The following SEC31A variants were observed in gnomAD, a reference collection of about 807,000 sequenced individuals.
The protein encoded by SEC31A is protein transport protein Sec31A.
In SEC31A, 70 loss-of-function variants were observed where a neutral mutation model predicts 151.0. The ratio of observed to expected loss-of-function variants is 0.46; its 90% confidence interval spans 0.38 to 0.57. The LOEUF is 0.57. SEC31A is among the 20% of genes least tolerant of loss of function. The pLI, the probability that SEC31A is intolerant of heterozygous loss-of-function variation, is 0.00. For synonymous variants in SEC31A, 475 were observed against 505.9 expected (o/e 0.94, Z 0.82); for missense variants, 1,330 against 1,471.2 (o/e 0.90, Z 1.57).
chr4:82,880,809 A>G lies in SEC31A; in HGVS notation c.193T>C (p.Ser65Pro). Residue 65 changes from serine to proline, a missense_variant, in exon 3 of 27, where the codon TCT becomes CCT. Transcript: ENST00000395310. ...LDMKSCATFSSSHRYHKLIWG... is the reference protein window; with the variant it reads ...LDMKSCATFSPSHRYHKLIWG... ...AGCTGAACCTCATACCTGTGAGAAGAGGAGAATGTGGCACAAGATTTCATA... is the reference window on the plus strand; with the variant it reads ...AGCTGAACCTCATACCTGTGAGAAGGGGAGAATGTGGCACAAGATTTCATA... The G allele has an allele frequency of 6.2e-7, 1 of 1,611,318 alleles. No homozygotes were observed. The highest frequency in any genetic ancestry group is 8.5e-7 in the Non-Finnish European group (1 of 1,178,648).
At chr4:82,875,509 C>T (rs763143949) in intron 5 of SEC31A, among the ~76,000 whole-genome samples, 1 of 152,078 alleles carries the variant, frequency 6.6e-6, no homozygotes, top group Non-Finnish European at 1.5e-5. Context: ...CCAGTGTCTA[C>T]CAGGTGGTAG....
At chr4:82,877,698 A>ATTTCTTTTTTCTTT (rs3081925) in intron 4 of SEC31A, 1 of 150,804 alleles carries the variant, frequency 6.6e-6, no homozygotes, top group Non-Finnish European at 1.5e-5. Flanking sequence ...TCTGCATTAC[A>ATTTCTTTTTTCTTT]TTTCTTTTTT....
intron 1 of SEC31A, 26 bp from the exon 2 acceptor site, chr4:82,881,966 C>A (rs770088722): frequency 6.4e-7 from 1 of 1,573,760 alleles, no homozygotes; most frequent in East Asian, 2.2e-5. Context: ...TATACAGAAA[C>A]AGCCTTGAAT....
intron 20 of SEC31A, among the ~76,000 whole-genome samples, chr4:82,847,987 T>C (rs1730612783): frequency 6.6e-6 from 1 of 152,230 alleles, no homozygotes; most frequent in African/African-American, 2.4e-5. Flanking sequence ...TTACTTTTGC[T>C]ATAACAAAAT....
At position 82,857,774 on chromosome 4, in the gene SEC31A, T is replaced by TA. The variant is rs1733004570; in HGVS notation, c.1627-11_1627-10insT. The TA allele has an allele frequency of 6.5e-7, 1 of 1,538,788 alleles. No homozygotes were observed. The highest frequency in any genetic ancestry group is 1.4e-5 in the African/African-American group (1 of 72,990). ...TTTCCTCTTTAATGTGCTAAAGAGA[T>TA]GAAAAAAGCAACAATTTAGCCAGAA... is the stretch of plus-strand genomic sequence containing the variant. On this transcript the variant is annotated splice_polypyrimidine_tract_variant and intron_variant, in intron 14 of 26. Coordinates refer to ENST00000395310, the MANE Select transcript of SEC31A (RefSeq NM_001077207.4).
At chr4:82,888,962 C>T (rs1345001437) in intron 1 of SEC31A, among the ~76,000 whole-genome samples, 1 of 152,210 alleles carries the variant, frequency 6.6e-6, no homozygotes, top group Non-Finnish European at 1.5e-5. Flanking sequence ...AGAATTGGAA[C>T]TTGGATTCCC....
chr4:82,848,974 T>C lies in SEC31A; in HGVS notation c.2332A>G (p.Asn778Asp). ...AFLPDNTNQP[N>D]IMQLRDRLCR... is the part of the protein sequence containing the mutation. ...AGTCTGTCACGAAGCTGCATGATATTTGGCTAAAAAGGATTGGAAAAACAG... is the reference window on the plus strand; with the variant it reads ...AGTCTGTCACGAAGCTGCATGATATCTGGCTAAAAAGGATTGGAAAAACAG... Residue 778 changes from asparagine to aspartate, a missense_variant, in exon 20 of 27, where the codon AAT (asparagine) becomes GAT (aspartate). Coordinates refer to ENST00000395310, the MANE Select transcript of SEC31A (RefSeq NM_001077207.4). 6.2e-7 allele frequency: 1 copy of C among 1,612,422 alleles called. No homozygotes were observed. Among genetic ancestry groups the C allele is most frequent in the Non-Finnish European group, 8.5e-7 (1 of 1,179,422 alleles).
intron 14 of SEC31A, among the ~76,000 whole-genome samples, chr4:82,858,310 C>T (rs1476670150): frequency 6.6e-6 from 1 of 151,742 alleles, no homozygotes; most frequent in African/African-American, 2.4e-5. Context: ...CTTTGGGAGG[C>T]CGAGGCGGGC....
At chr4:82,877,144 G>A (rs1185723957) in intron 4 of SEC31A, among the ~76,000 whole-genome samples, 1 of 151,972 alleles carries the variant, frequency 6.6e-6, no homozygotes, top group South Asian at 2.1e-4. Context: ...CAGAAGACTT[G>A]CTTGAGCCCA....
chr4:82,887,929 C>A (rs953153033), intron 1 of SEC31A, among the ~76,000 whole-genome samples: 1 of 151,920 alleles, frequency 6.6e-6, no homozygotes, highest in African/African-American at 2.4e-5. Flanking sequence ...GCCTGTAGTC[C>A]CAGCTACTCG....
chr4:82,871,280 G>T, intron 7 of SEC31A: 1 of 1,375,798 alleles, frequency 7.3e-7, no homozygotes, highest in East Asian at 2.7e-5. Context: ...TATCCTATTT[G>T]TATAAAAATT....
At chr4:82,834,521 T>C (rs1726763724) in intron 22 of SEC31A, among the ~76,000 whole-genome samples, 1 of 152,090 alleles carries the variant, frequency 6.6e-6, no homozygotes, top group Non-Finnish European at 1.5e-5. Context: ...TAAAACTGAA[T>C]AGAATCAGAA....
chr4:82,853,523 G>A, intron 18 of SEC31A, 47 bp downstream of exon 18: 2 of 1,475,968 alleles, frequency 1.4e-6, no homozygotes, highest in Non-Finnish European at 1.8e-6. Context: ...TAAGTAGGGT[G>A]AAAGACAACA....
chr4:82,898,139 G>A (rs1211355846), intron 3 of SEC31A: 2 of 152,144 alleles, frequency 1.3e-5, no homozygotes, highest in African/African-American at 2.4e-5. Flanking sequence ...CTTTAATACA[G>A]CTTACATATC....
At chr4:82,871,660 CAGCTATAAA>C in intron 7 of SEC31A, 1 of 526,266 alleles carries the variant, frequency 1.9e-6, no homozygotes, top group East Asian at 3.2e-5. Context: ...CATGTAATCC[CAGCTATAAA>C]ATTTTTATAA....
intron 22 of SEC31A, among the ~76,000 whole-genome samples, chr4:82,839,816 G>A (rs1315802383): frequency 6.6e-6 from 1 of 152,208 alleles, no homozygotes; most frequent in Non-Finnish European, 1.5e-5. Flanking sequence ...TAGTCACTCT[G>A]TTTCTCAGCC....
chr4:82,830,886 T>G, intron 22 of SEC31A: 7 of 822,858 alleles, frequency 8.5e-6, no homozygotes, highest in Non-Finnish European at 1.1e-5. Flanking sequence ...ATTCATTAAT[T>G]GTATTCAATT....
At chr4:82,899,351 G>A (rs1720207306) in intron 3 of SEC31A, among the ~76,000 whole-genome samples, 1 of 152,216 alleles carries the variant, frequency 6.6e-6, no homozygotes, top group Non-Finnish European at 1.5e-5. Flanking sequence ...TGTGTGGTAT[G>A]AGAATTATAT....
chr4:82,899,693 C>T (rs1720225302), intron 3 of SEC31A: 1 of 152,604 alleles, frequency 6.6e-6, no homozygotes, highest in African/African-American at 2.4e-5. Flanking sequence ...TAATGGAAAA[C>T]TGGTGTGAAT....
Sources: allele counts gnomAD v4.1 joint callset (sites outside exome capture counted in the v4.1 genomes callset), GRCh38; gene constraint gnomAD v4.1.1; transcripts MANE v1.5; gene names NCBI Gene and HGNC (gene_info 2026-07-23, HGNC 2026-07-21).